Variants in CNBD1 observed in about 807,000 individuals in gnomAD.
The protein encoded by CNBD1 is cyclic nucleotide-binding domain-containing protein 1.
Under a neutral mutation model 54.4 loss-of-function variants are expected in CNBD1, and 71 were observed. The observed-to-expected ratio is 1.30, with a 90% CI of 1.08 to 1.59. The LOEUF (loss-of-function observed/expected upper bound fraction) is 1.59. CNBD1 is among the 40% of genes most tolerant of loss of function. The probability of loss-of-function intolerance (pLI) is 0.00; values close to 1 mark genes in which losing one functional copy is unlikely to be tolerated. For synonymous variants in CNBD1, 182 were observed against 170.7 expected (o/e 1.07, Z -0.51); for missense variants, 659 against 518.0 (o/e 1.27, Z -2.64).
At chr8:87,372,768 A>G (rs941252431) in intron 10 of CNBD1, among the ~76,000 whole-genome samples, 2 of 151,842 alleles carry the variant, frequency 1.3e-5, no homozygotes, top group African/African-American at 2.4e-5. Flanking sequence ...ATCACCTCAT[A>G]TATGGCAAAT....
chr8:87,027,194 G>C (rs559439233), intron 4 of CNBD1, among the ~76,000 whole-genome samples: 27 of 73,922 alleles, frequency 3.7e-4, no homozygotes, highest in African/African-American at 2.9e-3. Context: ...ACTTTTGTTT[G>C]CTCAATAGGT....
chr8:87,305,830 T>C (rs916913184), intron 8 of CNBD1, among the ~76,000 whole-genome samples: 1 of 152,040 alleles, frequency 6.6e-6, no homozygotes, highest in African/African-American at 2.4e-5. Context: ...AAAACCCTTC[T>C]AGTCATTGGC....
intron 1 of CNBD1, among the ~76,000 whole-genome samples, chr8:86,882,418 A>G (rs1162088502): frequency 6.6e-6 from 1 of 152,206 alleles, no homozygotes; most frequent in Admixed American, 6.5e-5. Flanking sequence ...ATCATATGGA[A>G]AAAAGCTCAA....
chr8:87,088,867 T>C (rs74910459), intron 4 of CNBD1, among the ~76,000 whole-genome samples: 4,848 of 152,198 alleles, frequency 0.032, 267 homozygotes, highest in African/African-American at 0.11. Context: ...AGAATCTCTA[T>C]CTTTAAAAAA....
intron 8 of CNBD1, among the ~76,000 whole-genome samples, chr8:87,314,931 A>G (rs530242500): frequency 6.6e-6 from 1 of 152,074 alleles, no homozygotes; most frequent in Non-Finnish European, 1.5e-5. Flanking sequence ...TGCTGCAAAG[A>G]TGTCTTTTAT....
At chr8:87,130,869 ATT>A (rs1002461157) in intron 4 of CNBD1, among the ~76,000 whole-genome samples, 2 of 151,248 alleles carry the variant, frequency 1.3e-5, no homozygotes, top group African/African-American at 4.9e-5. Context: ...AATTTTGTCC[ATT>A]TTTTTGTTTA....
At chr8:87,364,768 T>C (rs1810606685) in intron 10 of CNBD1, among the ~76,000 whole-genome samples, 1 of 152,120 alleles carries the variant, frequency 6.6e-6, no homozygotes, top group Admixed American at 6.6e-5. Context: ...CCTGCATTAA[T>C]TTATAAGGAT....
At chr8:86,968,024 T>C (rs1478821138) in intron 4 of CNBD1, among the ~76,000 whole-genome samples, 4 of 152,084 alleles carry the variant, frequency 2.6e-5, no homozygotes, top group African/African-American at 9.7e-5. Flanking sequence ...ACTGGGAATG[T>C]TACATGTGCT....
intron 10 of CNBD1, among the ~76,000 whole-genome samples, chr8:87,354,743 G>T (rs899967572): frequency 2.6e-5 from 4 of 152,044 alleles, no homozygotes; most frequent in Non-Finnish European, 4.4e-5. Context: ...AACTCATCAT[G>T]TTTTATGGCT....
intron 2 of CNBD1, among the ~76,000 whole-genome samples, chr8:87,415,994 C>T (rs967469707): frequency 2.0e-5 from 3 of 151,804 alleles, no homozygotes; most frequent in Admixed American, 6.6e-5. Flanking sequence ...AAAAAAATTA[C>T]ATCCACACAC....
rs768456461 is a variant in CNBD1 at position 87,230,228 on chromosome 8, AC to A, written c.578-6688del. ...GCTAAACCATTCATGAATGATTCAC[AC>A]CCATGATCCAATCACCTCCCACGGA... On this transcript the variant is annotated intron_variant, in intron 5 of 10. Coordinates refer to ENST00000518476, the MANE Select transcript of CNBD1 (RefSeq NM_173538.3). Among the ~76,000 whole-genome samples, 117 of 152,112 alleles carry A rather than the reference AC, an allele frequency of 7.7e-4. 1 individual carries two copies. The highest frequency in any genetic ancestry group is 1.3e-3 in the Non-Finnish European group (88 of 67,994).
chr8:87,339,466 G>C (rs924329133), intron 8 of CNBD1, among the ~76,000 whole-genome samples: 1 of 151,456 alleles, frequency 6.6e-6, no homozygotes, highest in African/African-American at 2.4e-5. Flanking sequence ...TCCAATTTCT[G>C]GGGCAGTGGT....
chr8:86,958,795 G>T (rs569127528), intron 4 of CNBD1, among the ~76,000 whole-genome samples: 129 of 152,246 alleles, frequency 8.5e-4, no homozygotes, highest in Non-Finnish European at 1.4e-3. Flanking sequence ...TTGTCAGTAT[G>T]TGTCTTTTAT....
intron 8 of CNBD1, among the ~76,000 whole-genome samples, chr8:87,304,418 T>A (rs1040409024): frequency 6.6e-6 from 1 of 151,588 alleles, no homozygotes; most frequent in East Asian, 1.9e-4. Context: ...TTCTCACTCA[T>A]AGGTGGGAAT....
chr8:86,870,189 C>CCTTTTTTTTTTTT (rs1554626453), intron 1 of CNBD1, among the ~76,000 whole-genome samples: 25 of 100,600 alleles, frequency 2.5e-4, no homozygotes, highest in African/African-American at 6.8e-4. Context: ...AGATAGTACT[C>CCTTTTTTTTTTTT]TTTTTTTTTT....
At chr8:87,234,263 A>G (rs1807526731) in intron 5 of CNBD1, among the ~76,000 whole-genome samples, 1 of 152,150 alleles carries the variant, frequency 6.6e-6, no homozygotes, top group African/African-American at 2.4e-5. Context: ...ACCTCCTCTC[A>G]TGAATCACAA....
At chr8:87,404,296 A>C (rs1384654241) in intron 2 of CNBD1, among the ~76,000 whole-genome samples, 2 of 152,076 alleles carry the variant, frequency 1.3e-5, no homozygotes, top group African/African-American at 2.4e-5. Context: ...ACAAACTGTA[A>C]CAATTCCAAA....
At chr8:87,078,270 C>G (rs1394398874) in intron 4 of CNBD1, among the ~76,000 whole-genome samples, 1 of 152,116 alleles carries the variant, frequency 6.6e-6, no homozygotes. Flanking sequence ...TCAAAAGGTT[C>G]CTGAAAGAAC....
chr8:87,001,151 C>T (rs530814726), intron 4 of CNBD1, among the ~76,000 whole-genome samples: 5 of 151,952 alleles, frequency 3.3e-5, no homozygotes, highest in African/African-American at 1.2e-4. Context: ...TGTCATTATT[C>T]ATTTTTTACT....
Sources: gnomAD v4.1 joint callset for allele counts (sites outside exome capture counted in the v4.1 genomes callset) on GRCh38, gnomAD v4.1.1 for gene constraint, MANE v1.5 for transcripts, NCBI Gene and HGNC (gene_info 2026-07-23, HGNC 2026-07-21) for gene names.